The following RARB variants were observed in gnomAD, a reference collection of about 807,000 sequenced individuals.
RARB encodes retinoic acid receptor beta, also known as HBV-activated protein.
A neutral mutation model predicts 51.9 loss-of-function variants in RARB; 17 were observed. That is an observed-to-expected ratio of 0.33 (90% CI 0.22 to 0.49). RARB has a LOEUF of 0.49. Ranked by LOEUF, RARB falls within the 20% of genes least tolerant of loss-of-function variation. The probability of loss-of-function intolerance (pLI) is 0.99; values close to 1 mark genes in which losing one functional copy is unlikely to be tolerated. For missense variants in RARB, 369 were observed against 550.8 expected, an observed-to-expected ratio of 0.67 and a Z score of 3.30; for synonymous variants, 215 against 195.4, an observed-to-expected ratio of 1.10 and a Z score of -0.84.
intron 1 of RARB, among the ~76,000 whole-genome samples, chr3:25,458,852 G>C (rs1280031481): frequency 6.6e-6 from 1 of 151,648 alleles, no homozygotes. Context: ...GAGTATAAGA[G>C]CTATTTGGTT....
At chr3:24,983,871 A>T (rs879557799) in intron 2 of RARB, among the ~76,000 whole-genome samples, 16 of 152,214 alleles carry the variant, frequency 1.1e-4, no homozygotes, top group Non-Finnish European at 2.4e-4. Context: ...AACATGAAAG[A>T]TAATTCAAAA....
chr3:25,332,430 G>A (rs948872933), intron 5 of RARB, among the ~76,000 whole-genome samples: 1 of 152,168 alleles, frequency 6.6e-6, no homozygotes, highest in African/African-American at 2.4e-5. Flanking sequence ...AAAACCACAT[G>A]ATTATCTCAA....
intron 3 of RARB, among the ~76,000 whole-genome samples, chr3:25,508,639 G>C (rs775470390): frequency 1.3e-5 from 2 of 152,094 alleles, no homozygotes; most frequent in African/African-American, 4.8e-5. Context: ...TCCCGTGTTA[G>C]ATCCCAGCCT....
intron 2 of RARB, among the ~76,000 whole-genome samples, chr3:24,967,310 C>T (rs540341360): frequency 1.5e-4 from 23 of 152,184 alleles, no homozygotes; most frequent in Non-Finnish European, 2.9e-4. Flanking sequence ...GAGCTTATGA[C>T]CTTGGAGTAG....
At chr3:25,332,016 A>T (rs1704912738) in intron 5 of RARB, among the ~76,000 whole-genome samples, 1 of 152,210 alleles carries the variant, frequency 6.6e-6, no homozygotes, top group Non-Finnish European at 1.5e-5. Context: ...CAGGGTCTGA[A>T]ATTGAGGCAA....
intron 3 of RARB, among the ~76,000 whole-genome samples, chr3:25,557,412 C>G (rs543255068): frequency 1.0e-3 from 157 of 152,284 alleles, no homozygotes; most frequent in Non-Finnish European, 2.0e-3. Flanking sequence ...TCCCAAGGCT[C>G]TCTCCGCAGC....
chr3:25,099,900 G>A (rs1457744239), intron 3 of RARB, among the ~76,000 whole-genome samples: 3 of 152,166 alleles, frequency 2.0e-5, no homozygotes, highest in African/African-American at 7.2e-5. Context: ...AGACATTAGT[G>A]ACTGTTCGTA....
At chr3:24,914,962 T>G (rs974938360) in intron 2 of RARB, among the ~76,000 whole-genome samples, 1 of 152,234 alleles carries the variant, frequency 6.6e-6, no homozygotes, top group Non-Finnish European at 1.5e-5. Context: ...ACCTTGACTT[T>G]GCAGGATGGA....
At chr3:25,313,478 C>T (rs367837407) in intron 5 of RARB, among the ~76,000 whole-genome samples, 3 of 152,168 alleles carry the variant, frequency 2.0e-5, no homozygotes, top group Non-Finnish European at 2.9e-5. Context: ...ATGATGTCAG[C>T]GAGTATCTCT....
At chr3:25,376,968 A>C (rs1479583698) in intron 5 of RARB, among the ~76,000 whole-genome samples, 1 of 152,192 alleles carries the variant, frequency 6.6e-6, no homozygotes, top group African/African-American at 2.4e-5. Flanking sequence ...GGCTCATTTC[A>C]TAATAAATGA....
chr3:25,328,244 G>A (rs1368971307), intron 5 of RARB, among the ~76,000 whole-genome samples: 1 of 152,254 alleles, frequency 6.6e-6, no homozygotes, highest in East Asian at 1.9e-4. Flanking sequence ...TCTAGGCCGG[G>A]TGCAGTGGCT....
At chr3:25,149,278 G>A (rs922523950) in intron 4 of RARB, among the ~76,000 whole-genome samples, 1 of 152,138 alleles carries the variant, frequency 6.6e-6, no homozygotes, top group East Asian at 1.9e-4. Flanking sequence ...TTTGACAATC[G>A]AATTTTGTCA....
Position 25,280,271 on chromosome 3 carries a change from C to T in RARB, c.178+105696C>T, listed in dbSNP as rs1176761847. On this transcript the variant is annotated intron_variant, in intron 5 of 11. Transcript: ENST00000383772. ...CAGATTCTTTTCTCTGACCCTGTGT[C>T]TCCAGAAATAAGAATATTCCTTTTC... Among the ~76,000 whole-genome samples, 4 of 152,126 alleles carry T rather than the reference C, an allele frequency of 2.6e-5. No individual in the cohort carries two copies. In the South Asian group the frequency reaches 8.3e-4, roughly 32 times the overall value.
At chr3:25,308,515 C>T (rs1333807842) in intron 5 of RARB, among the ~76,000 whole-genome samples, 4 of 141,854 alleles carry the variant, frequency 2.8e-5, no homozygotes, top group African/African-American at 1.1e-4. Flanking sequence ...GTGGCGTGGT[C>T]TTGGCTTACT....
intron 2 of RARB, among the ~76,000 whole-genome samples, chr3:24,873,887 C>T (rs984630950): frequency 3.9e-5 from 6 of 152,092 alleles, no homozygotes; most frequent in Admixed American, 3.3e-4. Flanking sequence ...GTACAGTTAG[C>T]CCTTTGTACC....
At chr3:25,343,274 G>T (rs1705287786) in intron 5 of RARB, among the ~76,000 whole-genome samples, 1 of 152,016 alleles carries the variant, frequency 6.6e-6, no homozygotes, top group African/African-American at 2.4e-5. Context: ...ACCATGTCTT[G>T]TTGCTCTCAG....
intron 2 of RARB, among the ~76,000 whole-genome samples, chr3:25,009,058 C>G (rs538905051): frequency 1.5e-4 from 23 of 152,278 alleles, no homozygotes; most frequent in African/African-American, 5.5e-4. Flanking sequence ...TTGCTGGTCC[C>G]TTCTAAATCA....
At chr3:25,226,406 A>G (rs34709547) in intron 5 of RARB, among the ~76,000 whole-genome samples, 15,513 of 152,164 alleles carry the variant, frequency 0.1, 984 homozygotes, top group South Asian at 0.26. Flanking sequence ...TTCTCTCAGG[A>G]AAAAAAGCAC....
At chr3:25,531,376 A>G (rs925347277) in intron 3 of RARB, among the ~76,000 whole-genome samples, 4 of 113,146 alleles carry the variant, frequency 3.5e-5, no homozygotes, top group African/African-American at 1.3e-4. Flanking sequence ...AGATAGGTAG[A>G]TAGATAGATA....
Sources: gnomAD v4.1 joint callset for allele counts (sites outside exome capture counted in the v4.1 genomes callset) on GRCh38, gnomAD v4.1.1 for gene constraint, MANE v1.5 for transcripts, NCBI Gene and HGNC (gene_info 2026-07-23, HGNC 2026-07-21) for gene names.